ACAD10: variants seen among roughly 807,000 people sequenced by gnomAD.
ACAD10 encodes the protein acyl-CoA dehydrogenase family member 10.
A neutral mutation model predicts 116.8 loss-of-function variants in ACAD10; 112 were observed. The ratio of observed to expected loss-of-function variants is 0.96; its 90% CI spans 0.82 to 1.12. ACAD10 has a LOEUF of 1.12. Ranked by LOEUF, ACAD10 falls within the 50% of genes most tolerant of loss-of-function variation. The probability of loss-of-function intolerance (pLI) is 0.00; values close to 1 mark genes in which losing one functional copy is unlikely to be tolerated. For synonymous variants in ACAD10, 486 were observed against 510.6 expected (o/e 0.95, Z 0.65); for missense variants, 1,259 against 1,350.2 (o/e 0.93, Z 1.06).
chr12:111,720,469 G>C (rs1443367351), intron 7 of ACAD10, among the ~76,000 whole-genome samples: 1 of 152,014 alleles, frequency 6.6e-6, no homozygotes, highest in Non-Finnish European at 1.5e-5. Flanking sequence ...TCGAAGCTCT[G>C]TTGTTTAGCA....
intron 2 of ACAD10, among the ~76,000 whole-genome samples, chr12:111,698,727 T>C (rs1444479112): frequency 6.6e-6 from 1 of 152,076 alleles, no homozygotes; most frequent in Non-Finnish European, 1.5e-5. Flanking sequence ...TTGCCCGCCT[T>C]GGCCTCCCAA....
Position 111,744,636 on chromosome 12 carries a change from T to C in ACAD10, c.1715-7T>C. The C allele has an allele frequency of 6.2e-7, 1 of 1,605,316 alleles. No homozygotes were observed. Among genetic ancestry groups the C allele is most frequent in the Non-Finnish European group, 8.5e-7 (1 of 1,174,606 alleles). ...AGTAATCACTGTTTTTCTTTGATTC[T>C]GCTTAGGGCAAGCAAGCTCCACATA... On this transcript the variant is annotated splice_polypyrimidine_tract_variant and splice_region_variant and intron_variant, in intron 12 of 20. Transcript: ENST00000313698.
At chr12:111,727,911 C>G (rs35604271) in intron 8 of ACAD10, 51 bp from the exon 9 acceptor site, 1 of 1,535,648 alleles carries the variant, frequency 6.5e-7, no homozygotes, top group Non-Finnish European at 8.8e-7. Context: ...TGACTAACAG[C>G]CTGCCACATT....
intron 7 of ACAD10, among the ~76,000 whole-genome samples, chr12:111,716,933 A>G (rs1370133539): frequency 6.6e-6 from 1 of 152,198 alleles, no homozygotes; most frequent in African/African-American, 2.4e-5. Flanking sequence ...AATTAAGTAA[A>G]CCTTGGTATA....
intron 1 of ACAD10, among the ~76,000 whole-genome samples, chr12:111,690,710 G>A (rs1888012777): frequency 6.6e-6 from 1 of 151,434 alleles, no homozygotes; most frequent in Non-Finnish European, 1.5e-5. Context: ...ACTTGAACCT[G>A]GGAGGCAGAG....
chr12:111,716,494 A>G (rs1480247425), intron 7 of ACAD10, among the ~76,000 whole-genome samples: 2 of 152,228 alleles, frequency 1.3e-5, no homozygotes, highest in Non-Finnish European at 2.9e-5. Context: ...GCTCTGTCTT[A>G]AAGAAATAAT....
At chr12:111,754,959 C>T (rs1355285499) in intron 19 of ACAD10, among the ~76,000 whole-genome samples, 5 of 152,182 alleles carry the variant, frequency 3.3e-5, no homozygotes, top group African/African-American at 4.8e-5. Flanking sequence ...GCTGTCAAGC[C>T]GTACACCAGG....
At chr12:111,717,318 G>A (rs547584349) in intron 7 of ACAD10, among the ~76,000 whole-genome samples, 30 of 143,410 alleles carry the variant, frequency 2.1e-4, no homozygotes, top group African/African-American at 7.1e-4. Flanking sequence ...AGATCGTACC[G>A]CTGCACTCAC....
rs114678064 is a variant in ACAD10, at chr12:111,744,401, T to G, written c.1715-242T>G. Among the ~76,000 whole-genome samples, 1,361 of 152,278 alleles carry G rather than the reference T, an allele frequency of 8.9e-3. 17 individuals carry two copies. Among genetic ancestry groups the G allele is most frequent in the African/African-American group, 0.031 (1,297 of 41,554 alleles). ...GACTCTGGCCCCCAGCCCCCTAACT[T>G]CCAGCTCGTCCAAGTCACCTCCTTC... is the stretch of plus-strand genomic sequence containing the variant. On this transcript the variant is annotated intron_variant, in intron 12 of 20. Transcript: ENST00000313698.
At chr12:111,748,757 C>T in intron 17 of ACAD10, 2 of 545,926 alleles carry the variant, frequency 3.7e-6, no homozygotes, top group South Asian at 2.0e-5. Context: ...AGGAAGTGGA[C>T]CCCAAACCTA....
intron 2 of ACAD10, among the ~76,000 whole-genome samples, chr12:111,697,156 G>A (rs1467361990): frequency 6.6e-6 from 1 of 151,628 alleles, no homozygotes; most frequent in Non-Finnish European, 1.5e-5. Flanking sequence ...CAGGAGAATT[G>A]CTGGAACTCG....
intron 1 of ACAD10, among the ~76,000 whole-genome samples, chr12:111,691,741 C>T (rs1888050028): frequency 6.7e-6 from 1 of 150,104 alleles, no homozygotes; most frequent in Non-Finnish European, 1.5e-5. Flanking sequence ...ATTACAGGCA[C>T]CCAACACCAT....
intron 8 of ACAD10, 134 bp from the exon 9 acceptor site, chr12:111,727,828 C>T (rs1422170540): frequency 2.4e-6 from 2 of 826,298 alleles, no homozygotes; most frequent in African/African-American, 1.7e-5. Context: ...AGGAAGTATC[C>T]AGTGCTCTGG....
intron 8 of ACAD10, among the ~76,000 whole-genome samples, chr12:111,725,588 G>A (rs902988136): frequency 4.0e-5 from 6 of 151,508 alleles, no homozygotes; most frequent in Admixed American, 2.0e-4. Flanking sequence ...AGGCTGGAGC[G>A]AAATGGCGCG....
intron 9 of ACAD10, among the ~76,000 whole-genome samples, chr12:111,728,864 A>G (rs1889304529): frequency 6.6e-6 from 1 of 151,654 alleles, no homozygotes; most frequent in Non-Finnish European, 1.5e-5. Context: ...TAATTTTTGT[A>G]TTTTTAGCAG....
At chr12:111,741,186 A>G (rs772554066) in intron 12 of ACAD10, among the ~76,000 whole-genome samples, 13 of 152,216 alleles carry the variant, frequency 8.5e-5, no homozygotes, top group Non-Finnish European at 1.5e-4. Flanking sequence ...TCTGGAAACA[A>G]TATTTTCCCT....
At chr12:111,729,163 C>T (rs1367845738) in intron 9 of ACAD10, among the ~76,000 whole-genome samples, 1 of 152,188 alleles carries the variant, frequency 6.6e-6, no homozygotes, top group African/African-American at 2.4e-5. Flanking sequence ...GGCAGTCTGG[C>T]TCCAGGGTTC....
chr12:111,753,367 C>G, intron 18 of ACAD10: 1 of 400,190 alleles, frequency 2.5e-6, no homozygotes, highest in South Asian at 1.9e-5. Context: ...AGAGGGCACC[C>G]TTCGCCTGCG....
In ACAD10 at chr12:111,729,897, A is replaced by T. The variant is rs1889338644; in HGVS notation, c.1335A>T (p.Glu445Asp). ...STIPAMERLI[E>D]WLPLHLPRQQ... ...TCCCAGCCATGGAGAGGCTGATCGA[A>T]TGGCTGCCCCTCCATCTTCCCCGTC... Residue 445 changes from glutamate to aspartate, a missense_variant, in exon 10 of 21, where the codon GAA becomes GAT. Glu to Asp is a conservative substitution (Grantham distance 45). Coordinates refer to ENST00000313698, the MANE Select transcript of ACAD10 (RefSeq NM_025247.6). 3.1e-6 allele frequency: 5 copies of T among 1,614,130 alleles called. No individual in the cohort carries two copies. Among genetic ancestry groups the T allele is most frequent in the Non-Finnish European group, 4.2e-6 (5 of 1,180,018 alleles).
Sources: allele counts gnomAD v4.1 joint callset (sites outside exome capture counted in the v4.1 genomes callset), GRCh38; gene constraint gnomAD v4.1.1; transcripts MANE v1.5; gene names NCBI Gene and HGNC (gene_info 2026-07-23, HGNC 2026-07-21).